IGFN1: variants seen among roughly 807,000 people sequenced by gnomAD.
The protein encoded by IGFN1 is immunoglobulin-like and fibronectin type III domain-containing protein 1.
In IGFN1, 253 loss-of-function variants were observed where a neutral mutation model predicts 289.5. The observed-to-expected ratio is 0.87, with a 90% CI of 0.79 to 0.97. The LOEUF (loss-of-function observed/expected upper bound fraction) is 0.97. Ranked by LOEUF, IGFN1 falls within the 50% of genes least tolerant of loss-of-function variation. The probability of loss-of-function intolerance (pLI) is 0.00; values close to 1 mark genes in which losing one functional copy is unlikely to be tolerated. For synonymous variants in IGFN1, 1,706 were observed against 1,788.5 expected, an observed-to-expected ratio of 0.95 and a Z score of 1.16; for missense variants, 4,470 against 4,686.1, an observed-to-expected ratio of 0.95 and a Z score of 1.35.
In IGFN1 at chr1:201,207,040, A is replaced by G; in HGVS notation, c.2147A>G (p.Glu716Gly). The G allele has an allele frequency of 2.0e-6, 3 of 1,536,874 alleles. No homozygotes were observed. The highest frequency in any genetic ancestry group is 8.7e-7 in the Non-Finnish European group (1 of 1,146,840). Residue 716 changes from glutamate to glycine, a missense_variant, in exon 12 of 24, where the codon GAG (glutamate) becomes GGG (glycine). Transcript: ENST00000335211. ...GCCAGGGGCTACTGGGGGTCAGGAG[A>G]GTTGCTAGAACAGATACCTGGAGGC... ...GEARGYWGSG[E>G]LLEQIPGGKD...
intron 20 of IGFN1, among the ~76,000 whole-genome samples, chr1:201,223,353 T>TTTAC (rs1653866298): frequency 7.5e-6 from 1 of 132,528 alleles, no homozygotes; most frequent in Non-Finnish European, 1.7e-5. Context: ...ACAAATATTA[T>TTTAC]TTATTTATTT....
chr1:201,227,425 T>G (rs991409381), intron 23 of IGFN1, among the ~76,000 whole-genome samples: 9 of 96,948 alleles, frequency 9.3e-5, no homozygotes, highest in African/African-American at 3.0e-4. Context: ...TTTATTTTTA[T>G]TTTTAGTTTT....
intron 8 of IGFN1, 148 bp from the exon 9 acceptor site, chr1:201,201,571 C>T: frequency 1.8e-6 from 1 of 567,054 alleles, no homozygotes; most frequent in Middle Eastern, 4.4e-4. Context: ...CCTTGAGGGG[C>T]TTACTTTCCC....
chr1:201,207,696 C>T lies in IGFN1; in HGVS notation c.2803C>T (p.Pro935Ser), dbSNP rs1357483333. The T allele has an allele frequency of 2.1e-5, 33 of 1,536,890 alleles. No individual in the cohort carries two copies. The highest frequency in any genetic ancestry group is 2.5e-5 in the Non-Finnish European group (29 of 1,146,870). ...NGSGSSRVKG[P>S]RGETGYKDGL... ...GTCAGGGAGCTCCAGAGTAAAAGGA[C>T]CCAGAGGTGAGACAGGCTATAAGGA... is the stretch of plus-strand genomic sequence containing the variant. Residue 935 changes from proline to serine, a missense_variant, in exon 12 of 24, where the codon CCC becomes TCC. By Grantham distance (74) the Pro-to-Ser change is moderately conservative. Around this residue, in one of 8 missense-constraint regions of IGFN1, gnomAD observed 2,011 missense variants for 1,953.4 expected, o/e 1.03. Transcript: ENST00000335211.
chr1:201,192,550 T>C (rs547345926), intron 1 of IGFN1, among the ~76,000 whole-genome samples: 3 of 152,320 alleles, frequency 2.0e-5, no homozygotes, highest in African/African-American at 4.8e-5. Context: ...CACCTGACAC[T>C]ATAATTCACT....
At chr1:201,222,961 CT>C in intron 20 of IGFN1, 134 bp downstream of exon 20, 1 of 552,314 alleles carries the variant, frequency 1.8e-6, no homozygotes, top group Non-Finnish European at 3.2e-6. Flanking sequence ...ACTGACTGGG[CT>C]TGTGGAAATC....
Position 201,208,039 on chromosome 1 carries a change from C to G in IGFN1, c.3146C>G (p.Ala1049Gly), listed in dbSNP as rs765410421. 3.3e-6 allele frequency: 5 copies of G among 1,536,964 alleles called. No individual in the cohort carries two copies. In the South Asian group the frequency reaches 5.9e-5, roughly 18 times the overall value. Residue 1049 changes from alanine to glycine, a missense_variant, in exon 12 of 24, where the codon GCA becomes GGA. Physicochemically the swap from Ala to Gly is moderately conservative, Grantham distance 60. Coordinates refer to ENST00000335211, the MANE Select transcript of IGFN1 (RefSeq NM_001164586.2). Reference sequence around the variant, plus strand: ...AATGGCTCAGGTGGTCCTGATGGAGCACCCATGAATGACACCAGGAATTGG... The same window carrying G: ...AATGGCTCAGGTGGTCCTGATGGAGGACCCATGAATGACACCAGGAATTGG... ...LKNGSGGPDG[A>G]PMNDTRNWAS... is the part of the protein sequence containing the mutation.
Position 201,207,041 on chromosome 1 carries a change from G to A in IGFN1, c.2148G>A (p.Glu716=). The A allele has an allele frequency of 6.5e-7, 1 of 1,536,936 alleles. No homozygotes were observed. The change falls in exon 12 of 24, where the codon GAG becomes GAA. Residue 716 remains glutamate, a synonymous_variant. Coordinates refer to ENST00000335211, the MANE Select transcript of IGFN1 (RefSeq NM_001164586.2). The part of the protein sequence containing the change: ...GEARGYWGSG[E]LLEQIPGGKD... ...CCAGGGGCTACTGGGGGTCAGGAGA[G>A]TTGCTAGAACAGATACCTGGAGGCA...
chr1:201,196,215 A>G (rs1240853000), intron 4 of IGFN1, among the ~76,000 whole-genome samples: 1 of 152,200 alleles, frequency 6.6e-6, no homozygotes, highest in Non-Finnish European at 1.5e-5. Context: ...TAAGAGCTCA[A>G]GCTCTGAAGT....
At chr1:201,204,933 G>T in intron 10 of IGFN1, 149 bp from the exon 11 acceptor site, 1 of 649,992 alleles carries the variant, frequency 1.5e-6, no homozygotes. Flanking sequence ...ATTGACACCT[G>T]AGGTCCAGAG....
intron 9 of IGFN1, among the ~76,000 whole-genome samples, chr1:201,202,296 T>C (rs1360672421): frequency 2.6e-5 from 4 of 152,216 alleles, no homozygotes; most frequent in Non-Finnish European, 5.9e-5. Context: ...ACTTATAAGC[T>C]GTATGACCTC....
chr1:201,224,758 G>C lies in IGFN1; in HGVS notation c.10370G>C (p.Gly3457Ala). Reference protein sequence around the residue: ...PKRSVTVTKDGLTQLLIPVAG... With the variant: ...PKRSVTVTKDALTQLLIPVAG... Reference sequence around the variant, plus strand: ...AGAAGTGTGACTGTCACTAAGGATGGCCTCACCCAGCTTCTGATCCCTGTG... The same window carrying C: ...AGAAGTGTGACTGTCACTAAGGATGCCCTCACCCAGCTTCTGATCCCTGTG... The change falls in exon 21 of 24, where the codon GGC becomes GCC. Residue 3457 changes from glycine (G) to alanine (A), a missense_variant. Gly to Ala is a moderately conservative substitution (Grantham distance 60). Around this residue, in one of 8 missense-constraint regions of IGFN1, gnomAD observed 2,218 missense variants for 2,114.1 expected, o/e 1.05. Transcript: ENST00000335211. The C allele has an allele frequency of 6.2e-7, 1 of 1,614,192 alleles. No individual in the cohort carries two copies. The highest frequency in any genetic ancestry group is 1.3e-5 in the African/African-American group (1 of 75,070).
intron 18 of IGFN1, among the ~76,000 whole-genome samples, chr1:201,219,817 C>T (rs1436781348): frequency 6.6e-6 from 1 of 152,202 alleles, no homozygotes; most frequent in Non-Finnish European, 1.5e-5. Flanking sequence ...CTAGGAAGGG[C>T]AGGACATGGA....
At chr1:201,215,893 C>G in intron 15 of IGFN1, 55 bp downstream of exon 15, 1 of 1,546,040 alleles carries the variant, frequency 6.5e-7, no homozygotes, top group Non-Finnish European at 8.8e-7. Flanking sequence ...GGTTCTGGGC[C>G]CTCCCTGCCA....
chr1:201,203,976 C>T (rs832160), intron 10 of IGFN1, 70 bp downstream of exon 10: 845,414 of 1,376,644 alleles, frequency 0.61, 263,030 homozygotes, highest in Middle Eastern at 0.67. Flanking sequence ...GTTGGTGCAA[C>T]GTGTGTGTTG....
chr1:201,225,080 C>T (rs1323028787), intron 21 of IGFN1, among the ~76,000 whole-genome samples: 2 of 152,246 alleles, frequency 1.3e-5, no homozygotes, highest in Non-Finnish European at 1.5e-5. Context: ...TGTCCTTCTG[C>T]CTCAGGAGCC....
chr1:201,194,265 T>C lies in IGFN1; in HGVS notation c.119T>C (p.Leu40Pro), dbSNP rs776828401. The change falls in exon 3 of 24, where the codon CTG (leucine) becomes CCG (proline). Residue 40 changes from leucine to proline, a missense_variant. Physicochemically the swap from Leu to Pro is moderately conservative, Grantham distance 98. This residue lies in a region of IGFN1 where 2,011 missense variants were observed against 1,953.4 expected (regional missense o/e 1.03). Transcript: ENST00000335211. ...GAGCAGAAGCCCGTCACCTCGGCTC[T>C]GCCAGAGGGTGAGCCCAGAGGGGAG... is the stretch of plus-strand genomic sequence containing the variant. ...DFEQKPVTSA[L>P]PEGKNAVFRA... 24 of 1,551,250 alleles carry C rather than the reference T, an allele frequency of 1.5e-5. No individual in the cohort carries two copies. Among genetic ancestry groups the C allele is most frequent in the Admixed American group, 2.0e-5 (1 of 50,972 alleles).
chr1:201,224,060 C>A lies in IGFN1; in HGVS notation c.10291-619C>A, dbSNP rs189155327. Among the ~76,000 whole-genome samples the A allele has an allele frequency of 3.9e-3, 587 of 152,326 alleles. 6 individuals are homozygous for A. The highest frequency in any genetic ancestry group is 0.013 in the African/African-American group (548 of 41,582). ...TCCTGTGAGGTCAGTTAGTGACTAT[C>A]AGCATCTTCGTTTGACTCTGGTGCC... On this transcript the variant is annotated intron_variant, in intron 20 of 23. Coordinates refer to ENST00000335211, the MANE Select transcript of IGFN1 (RefSeq NM_001164586.2).
intron 5 of IGFN1, among the ~76,000 whole-genome samples, chr1:201,197,666 T>G (rs979706001): frequency 1.3e-4 from 20 of 152,328 alleles, no homozygotes; most frequent in Middle Eastern, 3.4e-3. Context: ...ATGCAAAGGA[T>G]ATTTTGGACA....
Sources: gnomAD v4.1 joint callset for allele counts (sites outside exome capture counted in the v4.1 genomes callset) on GRCh38, gnomAD v4.1.1 for gene constraint, gnomAD v4.1.1 regional missense constraint, MANE v1.5 for transcripts, NCBI Gene and HGNC (gene_info 2026-07-23, HGNC 2026-07-21) for gene names.